INF2: variants seen among roughly 807,000 people sequenced by gnomAD.
The protein encoded by INF2 is inverted formin 2.
INF2 carries 43 observed loss-of-function variants against 123.5 expected under a neutral mutation model. The observed-to-expected ratio is 0.35, with a 90% CI of 0.27 to 0.45. The LOEUF is 0.45. INF2 is among the 20% of genes least tolerant of loss of function. The pLI is 1.00. For missense variants in INF2, 1,453 were observed against 1,682.7 expected (o/e 0.86, Z 2.39); for synonymous variants, 851 against 745.0 (o/e 1.14, Z -2.32).
chr14:104,706,323 C>T, intron 6 of INF2, 147 bp downstream of exon 6: 1 of 879,580 alleles, frequency 1.1e-6, no homozygotes, highest in East Asian at 2.7e-5. Context: ...GGTGAGACTC[C>T]AGGGAGCAGC....
At chr14:104,681,324 G>C (rs115800705) in exon 1 of INF2, 4 of 422,204 alleles carry the variant, frequency 9.5e-6, no homozygotes, top group African/African-American at 8.2e-5. Flanking sequence ...GTGAAAAGAG[G>C]AACAAAGAAC....
At chr14:104,685,995 ATGGGTAGGTGGGTGGATAGGTGGG>A (rs1888652324), upstream of INF2, among the ~76,000 whole-genome samples, 1 of 89,612 alleles carries the variant, frequency 1.1e-5, no homozygotes, top group Non-Finnish European at 2.1e-5. Flanking sequence ...GGATGGATGG[ATGGGTAGGTGGGTGGATAGGTGGG>A]TGGGTAGGTG....
At position 104,701,740 on chromosome 14, in the gene INF2, G is replaced by T; in HGVS notation, c.375G>T (p.Val125=). 6.6e-7 allele frequency: 1 copy of T among 1,519,042 alleles called. No homozygotes were observed. The highest frequency in any genetic ancestry group is 8.8e-7 in the Non-Finnish European group (1 of 1,132,280). The allele number at this position is 1,519,042 out of a possible 1,614,324, so 94.1% of individuals were successfully genotyped here. Residue 125 remains valine, a synonymous_variant, in exon 2 of 23, where the codon GTG becomes GTT. Coordinates refer to ENST00000392634, the MANE Select transcript of INF2 (RefSeq NM_022489.4). The stretch of plus-strand genomic sequence containing the variant: ...ACATCCTCAGCAACCAGGGCTACGT[G>T]CGCCAGCTCTCCCAGGGTGAGCCGC... ...IEYILSNQGY[V]RQLSQALDTS...
chr14:104,714,991 G>A (rs1890227563), intron 21 of INF2, 135 bp downstream of exon 21: 2 of 990,960 alleles, frequency 2.0e-6, no homozygotes, highest in Admixed American at 5.8e-5. Context: ...CACGGGAGAG[G>A]AGGCGGCAGT....
Position 104,706,170 on chromosome 14 carries a change from C to A in INF2, c.837C>A (p.Phe279Leu). 6.3e-7 allele frequency: 1 copy of A among 1,579,948 alleles called. No homozygotes were observed. ...ACCAGGAGGTCTTTGCCTCCCTGTT[C>A]CACAAGGTGGGCTGGGGGCTGCAGG... ...SSHQEVFASLFHKVSCSPVSA... is the reference protein window; with the variant it reads ...SSHQEVFASLLHKVSCSPVSA... The change falls in exon 6 of 23, where the codon TTC becomes TTA. Residue 279 changes from phenylalanine (F) to leucine (L), a missense_variant. This residue lies in a region of INF2 where 251 missense variants were observed against 349.4 expected (regional missense o/e 0.72). Transcript: ENST00000392634.
intron 13 of INF2, chr14:104,710,653 AG>A (rs1188621899): frequency 1.8e-6 from 1 of 549,646 alleles, no homozygotes; most frequent in East Asian, 3.1e-5. Context: ...CATCTCTGAA[AG>A]GGGAATCCAT....
chr14:104,689,226 C>T (rs1888799572), upstream of INF2: 12 of 985,378 alleles, frequency 1.2e-5, no homozygotes, highest in Non-Finnish European at 1.4e-5. Flanking sequence ...AACGGGAGTC[C>T]CGGGCCGGGG....
Position 104,699,517 on chromosome 14 carries a change from AAGCCAGGGGAGCGTGAGGAGC to A in INF2, c.-9-1835_-9-1815del. 9.1e-6 allele frequency: 9 copies of A among 985,202 alleles called. No homozygotes were observed. Among genetic ancestry groups the A allele is most frequent in the Non-Finnish European group, 1.1e-5 (9 of 829,868 alleles). 61.0% of individuals were successfully genotyped at this position (985,202 alleles called of 1,614,324 possible). A position where few individuals can be genotyped will look rare whatever the true frequency, so the allele number is the denominator to read the frequency against. On this transcript the variant is annotated intron_variant, in intron 1 of 22. Transcript: ENST00000392634. The surrounding 1 kb of genome is among the most constrained non-coding windows in gnomAD (Gnocchi z 4.7). ...CAGCTCAGCGGTCAGCAGCGATGAGAAGCCAGGGGAGCGTGAGGAGCAGCCCAGGACAGGGCCCAGAGTGGG... is the reference window on the plus strand; with the variant it reads ...CAGCTCAGCGGTCAGCAGCGATGAGAAGCCCAGGACAGGGCCCAGAGTGGG...
chr14:104,692,953 C>T (rs1265311488), intron 1 of INF2, among the ~76,000 whole-genome samples: 1 of 152,242 alleles, frequency 6.6e-6, no homozygotes, highest in Non-Finnish European at 1.5e-5. Context: ...CACTCCTGTT[C>T]TCACCCCAGA....
At chr14:104,682,244 G>C (rs1020091554) in intron 1 of INF2, among the ~76,000 whole-genome samples, 3 of 152,178 alleles carry the variant, frequency 2.0e-5, no homozygotes, top group African/African-American at 4.8e-5. Flanking sequence ...TGTGGGGAGG[G>C]ACAGGGAGGG....
intron 1 of INF2, among the ~76,000 whole-genome samples, chr14:104,694,591 C>T (rs768752269): frequency 3.9e-5 from 6 of 152,188 alleles, no homozygotes; most frequent in Admixed American, 6.5e-5. Context: ...CACACTCATC[C>T]GCATTTGAGG....
intron 1 of INF2, among the ~76,000 whole-genome samples, chr14:104,692,204 C>T (rs999052025): frequency 1.3e-5 from 2 of 152,260 alleles, no homozygotes; most frequent in Non-Finnish European, 2.9e-5. Flanking sequence ...TCCCTCCGCA[C>T]GGTCTCCCAC....
chr14:104,699,454 G>A lies in INF2; in HGVS notation c.-9-1903G>A. ...TACTGCCACCAGGAGGGGCGTTGGG[G>A]ACCTGAGGCTGCCTGGGAGGGACCC... On this transcript the variant is annotated intron_variant, in intron 1 of 22. Coordinates refer to ENST00000392634, the MANE Select transcript of INF2 (RefSeq NM_022489.4). The surrounding 1 kb of genome is among the most constrained non-coding windows in gnomAD (Gnocchi z 4.7). 1.0e-6 allele frequency: 1 copy of A among 985,364 alleles called. No homozygotes were observed. The highest frequency in any genetic ancestry group is 1.2e-6 in the Non-Finnish European group (1 of 829,914). 61.0% of individuals were successfully genotyped at this position (985,364 alleles called of 1,614,324 possible).
In INF2 at chr14:104,711,621, C is replaced by T. The variant is rs372720253; in HGVS notation, c.2419-8C>T. The stretch of plus-strand genomic sequence containing the variant: ...ACAGTGGATCTCACTGGACGTGTCC[C>T]ATTGCAGGAAGCGGAAAAGAGCCAC... On this transcript the variant is annotated splice_polypyrimidine_tract_variant and splice_region_variant and intron_variant, in intron 15 of 22. Transcript: ENST00000392634. The T allele has an allele frequency of 1.2e-6, 2 of 1,612,300 alleles. No homozygotes were observed. The highest frequency in any genetic ancestry group is 1.7e-4 in the Middle Eastern group (1 of 6,060).
chr14:104,705,893 G>T, intron 5 of INF2, 142 bp from the exon 6 acceptor site: 2 of 1,054,454 alleles, frequency 1.9e-6, no homozygotes, highest in Non-Finnish European at 1.4e-6. Context: ...TGGGTCACAT[G>T]TCAGCCACAG....
intron 22 of INF2, among the ~76,000 whole-genome samples, chr14:104,716,883 G>T (rs574429730): frequency 6.6e-6 from 1 of 152,216 alleles, no homozygotes; most frequent in South Asian, 2.1e-4. Flanking sequence ...GCAGAGACAG[G>T]GTTTCACCAT....
At chr14:104,691,957 G>T (rs1456312117) in intron 1 of INF2, among the ~76,000 whole-genome samples, 1 of 152,118 alleles carries the variant, frequency 6.6e-6, no homozygotes, top group African/African-American at 2.4e-5. Flanking sequence ...GGAGAGCAGG[G>T]CAGACCGGTG....
chr14:104,705,939 G>C, intron 5 of INF2, 96 bp from the exon 6 acceptor site: 2 of 1,481,770 alleles, frequency 1.3e-6, no homozygotes, highest in African/African-American at 2.8e-5. Context: ...CAGGTGGGCT[G>C]AGCGGGGCTG....
chr14:104,718,416 G>A (rs1890415431), intron 22 of INF2, among the ~76,000 whole-genome samples: 1 of 152,166 alleles, frequency 6.6e-6, no homozygotes, highest in Non-Finnish European at 1.5e-5. Context: ...TGGGGCCCAG[G>A]GCCCGACGTG....
Sources: allele counts gnomAD v4.1 joint callset (sites outside exome capture counted in the v4.1 genomes callset), GRCh38; gene constraint gnomAD v4.1.1; regional missense constraint gnomAD v4.1.1; non-coding constraint Gnocchi (gnomAD v3.1); transcripts MANE v1.5; gene names NCBI Gene and HGNC (gene_info 2026-07-23, HGNC 2026-07-21).